The following AEBP2 variants were observed in gnomAD, a reference collection of about 807,000 sequenced individuals.
The protein encoded by AEBP2 is AE binding protein 2.
In AEBP2, 10 loss-of-function variants were observed where a neutral mutation model predicts 50.8. The ratio of observed to expected loss-of-function variants is 0.20; its 90% CI spans 0.12 to 0.33. AEBP2 has a LOEUF of 0.33. Among genes scored for constraint, AEBP2 ranks in the 10% least tolerant of loss-of-function variants. The pLI is 1.00. For missense variants in AEBP2, 570 were observed against 688.0 expected (o/e 0.83, Z 1.92); for synonymous variants, 296 against 261.3 (o/e 1.13, Z -1.28).
At position 19,504,987 on chromosome 12, in the gene AEBP2, C is replaced by A. The variant is rs186521481; in HGVS notation, c.1299+4766C>A. ...AGACTTTTTCTGAGATTGGAAGACA[C>A]AAGAGACATGAATTTGAGGAAAGGT... is the stretch of plus-strand genomic sequence containing the variant. On this transcript the variant is annotated intron_variant, in intron 5 of 7. Coordinates refer to ENST00000266508, the MANE Select transcript of AEBP2 (RefSeq NM_153207.5). Among the ~76,000 whole-genome samples, 1,171 of 152,194 alleles carry A rather than the reference C, an allele frequency of 7.7e-3. 7 individuals carry two copies. The highest frequency in any genetic ancestry group is 0.015 in the Admixed American group (229 of 15,286).
intron 1 of AEBP2, chr12:19,440,866 TAAAC>T (rs1256298197): frequency 1.5e-5 from 16 of 1,093,928 alleles, no homozygotes; most frequent in South Asian, 3.2e-5. Flanking sequence ...TTTCTCTACT[TAAAC>T]AAAAAAAGGA....
chr12:19,452,923 A>G (rs1260909010), intron 1 of AEBP2, among the ~76,000 whole-genome samples: 5 of 148,862 alleles, frequency 3.4e-5, no homozygotes, highest in East Asian at 2.0e-4. Context: ...ACCTAGTTTG[A>G]TAAATAGGCC....
upstream of AEBP2, among the ~76,000 whole-genome samples, chr12:19,436,607 A>C (rs1262832250): frequency 1.0e-5 from 1 of 96,842 alleles, no homozygotes. Context: ...TGGGGGGGGG[A>C]TAAGGTCTTA....
intron 1 of AEBP2, among the ~76,000 whole-genome samples, chr12:19,419,647 C>T (rs952538369): frequency 6.7e-6 from 1 of 149,644 alleles, no homozygotes; most frequent in East Asian, 2.0e-4. Flanking sequence ...AAGTAGCAGT[C>T]GGCCGGGCAT....
At chr12:19,473,027 C>T (rs976642690) in intron 2 of AEBP2, among the ~76,000 whole-genome samples, 2 of 151,926 alleles carry the variant, frequency 1.3e-5, no homozygotes, top group African/African-American at 2.4e-5. Context: ...ATTCTGTGAT[C>T]GGTGTGTTAA....
At chr12:19,440,393 C>T (rs1947930783) in intron 1 of AEBP2, 23 bp downstream of exon 1, 3 of 1,465,592 alleles carry the variant, frequency 2.0e-6, no homozygotes, top group East Asian at 4.7e-5. Context: ...AAGCGTTTCC[C>T]CTTCCCTTCC....
intron 1 of AEBP2, among the ~76,000 whole-genome samples, chr12:19,412,427 G>A (rs147809058): frequency 2.0e-5 from 3 of 151,852 alleles, no homozygotes; most frequent in Non-Finnish European, 4.4e-5. Flanking sequence ...ATAGGCACAC[G>A]CCACCACACC....
chr12:19,495,795 C>T (rs185819053), intron 4 of AEBP2, among the ~76,000 whole-genome samples: 5 of 152,098 alleles, frequency 3.3e-5, no homozygotes, highest in African/African-American at 1.2e-4. Context: ...CCTTCCACTT[C>T]AGCCTCCCAA....
intron 1 of AEBP2, among the ~76,000 whole-genome samples, chr12:19,453,043 A>G (rs1418148081): frequency 7.2e-6 from 1 of 139,236 alleles, no homozygotes; most frequent in African/African-American, 2.7e-5. Context: ...ATCTCGGCTC[A>G]TTGCAAGCTC....
At chr12:19,503,708 G>C (rs1458680076) in intron 5 of AEBP2, among the ~76,000 whole-genome samples, 2 of 151,266 alleles carry the variant, frequency 1.3e-5, no homozygotes, top group African/African-American at 4.9e-5. Flanking sequence ...TATTTTTATA[G>C]AGACAGGATC....
intron 1 of AEBP2, among the ~76,000 whole-genome samples, chr12:19,425,204 C>T (rs898560731): frequency 3.3e-5 from 5 of 152,150 alleles, no homozygotes; most frequent in African/African-American, 1.2e-4. Flanking sequence ...CGACACAGTC[C>T]TGTTCCAGCA....
chr12:19,462,557 G>A lies in AEBP2; in HGVS notation c.719G>A (p.Arg240His). Reference protein sequence around the residue: ...MDVDSTISSGRSTPAMMNGQG... With the variant: ...MDVDSTISSGHSTPAMMNGQG... ...GTAGACAGCACAATTTCCAGTGGGC[G>A]TTCAACTCCAGCAATGATGAATGGA... Residue 240 changes from arginine (R) to histidine (H), a missense_variant, in exon 2 of 8, where the codon CGT becomes CAT. Arg to His is a conservative substitution (Grantham distance 29). Transcript: ENST00000266508. The A allele has an allele frequency of 2.5e-6, 4 of 1,613,396 alleles. No homozygotes were observed. The highest frequency in any genetic ancestry group is 3.4e-6 in the Non-Finnish European group (4 of 1,179,660).
intron 1 of AEBP2, among the ~76,000 whole-genome samples, chr12:19,442,120 A>G (rs917641779): frequency 6.6e-6 from 1 of 152,172 alleles, no homozygotes; most frequent in African/African-American, 2.4e-5. Context: ...GCCTTAAATA[A>G]GTTGAGGCCG....
chr12:19,459,773 G>A (rs549760070), intron 1 of AEBP2, among the ~76,000 whole-genome samples: 2 of 152,166 alleles, frequency 1.3e-5, no homozygotes, highest in African/African-American at 2.4e-5. Flanking sequence ...AACTAACTAG[G>A]TAGGTAGATA....
At chr12:19,413,442 TGAA>T (rs2095740516) in intron 1 of AEBP2, 1 of 1,119,702 alleles carries the variant, frequency 8.9e-7, no homozygotes, top group African/African-American at 1.5e-5. Context: ...TGGACTCTGA[TGAA>T]GAAGACGATT....
In AEBP2 at chr12:19,518,133, A is replaced by C. The variant is rs533509061; in HGVS notation, c.*16A>C. 1.3e-6 allele frequency: 2 copies of C among 1,592,280 alleles called. No homozygotes were observed. Among genetic ancestry groups the C allele is most frequent in the African/African-American group, 2.7e-5 (2 of 74,156 alleles). On this transcript the variant is annotated 3_prime_UTR_variant, in exon 8 of 8. Transcript: ENST00000266508. ...GAAGAGGTAAAAAATAAATAAATACATAAAAAGCAAACAAGCGGGGACACC... is the reference window on the plus strand; with the variant it reads ...GAAGAGGTAAAAAATAAATAAATACCTAAAAAGCAAACAAGCGGGGACACC...
At chr12:19,410,395 C>T (rs553403121) in intron 1 of AEBP2, among the ~76,000 whole-genome samples, 2 of 152,240 alleles carry the variant, frequency 1.3e-5, no homozygotes, top group African/African-American at 4.8e-5. Flanking sequence ...TTTGTCTCTC[C>T]CATTAGTAAA....
intron 1 of AEBP2, among the ~76,000 whole-genome samples, chr12:19,415,332 A>C (rs1278398146): frequency 5.4e-5 from 2 of 36,958 alleles, no homozygotes; most frequent in African/African-American, 2.1e-4. Flanking sequence ...AAAAAAAAAA[A>C]AAAAAAAAAA....
chr12:19,426,141 GC>G (rs1265288164), intron 1 of AEBP2, among the ~76,000 whole-genome samples: 1 of 152,074 alleles, frequency 6.6e-6, no homozygotes, highest in African/African-American at 2.4e-5. Flanking sequence ...TCACCATGTT[GC>G]CCAGGCTGAT....
Sources: gnomAD v4.1 joint callset for allele counts (sites outside exome capture counted in the v4.1 genomes callset) on GRCh38, gnomAD v4.1.1 for gene constraint, MANE v1.5 for transcripts, NCBI Gene and HGNC (gene_info 2026-07-23, HGNC 2026-07-21) for gene names.